APLP2: variants seen among roughly 807,000 people sequenced by gnomAD.
The protein encoded by APLP2 is amyloid beta precursor like protein 2, also known as CDEI box-binding protein.
APLP2 carries 53 observed loss-of-function variants against 89.9 expected under a neutral mutation model. That is an observed-to-expected ratio of 0.59 (90% CI 0.47 to 0.74). APLP2 has a LOEUF of 0.74. APLP2 is among the 30% of genes least tolerant of loss of function. The probability of loss-of-function intolerance (pLI) is 0.00; values close to 1 mark genes in which losing one functional copy is unlikely to be tolerated. For synonymous variants in APLP2, 372 were observed against 348.6 expected (o/e 1.07, Z -0.75); for missense variants, 973 against 975.9 (o/e 1.00, Z 0.04).
chr11:130,092,375 G>C (rs1359901370), intron 1 of APLP2, among the ~76,000 whole-genome samples: 1 of 112,576 alleles, frequency 8.9e-6, no homozygotes, highest in Non-Finnish European at 1.7e-5. Context: ...GCAGGCGGCT[G>C]GGAGGTGTAG....
At chr11:130,138,720 G>A (rs943113718) in intron 13 of APLP2, 3 of 150,792 alleles carry the variant, frequency 2.0e-5, no homozygotes, top group African/African-American at 7.3e-5. Flanking sequence ...CAAGTAGGTG[G>A]GACCACAGGT....
intron 7 of APLP2, among the ~76,000 whole-genome samples, chr11:130,124,940 G>A (rs191709895): frequency 2.6e-5 from 4 of 152,368 alleles, no homozygotes; most frequent in Non-Finnish European, 5.9e-5. Context: ...ACTGAGTGTG[G>A]AGGTGGTGAT....
chr11:130,132,659 G>A (rs1951065989), intron 11 of APLP2, among the ~76,000 whole-genome samples: 2 of 150,654 alleles, frequency 1.3e-5, no homozygotes, highest in South Asian at 4.2e-4. Context: ...TTCAGAAAAG[G>A]CAGTGAGCTA....
chr11:130,071,386 G>A (rs1379361922), intron 1 of APLP2, among the ~76,000 whole-genome samples: 3 of 152,218 alleles, frequency 2.0e-5, no homozygotes, highest in Non-Finnish European at 4.4e-5. Flanking sequence ...AAGAGAAATA[G>A]TTAACGTTTA....
At chr11:130,132,587 T>C (rs1285203989) in intron 11 of APLP2, among the ~76,000 whole-genome samples, 1 of 150,490 alleles carries the variant, frequency 6.6e-6, no homozygotes, top group Non-Finnish European at 1.5e-5. Flanking sequence ...GTAAAAATAG[T>C]GACCACTTCT....
intron 1 of APLP2, among the ~76,000 whole-genome samples, chr11:130,072,126 G>A (rs1941216706): frequency 6.6e-6 from 1 of 152,116 alleles, no homozygotes; most frequent in African/African-American, 2.4e-5. Flanking sequence ...TGTTTAAAAA[G>A]AAAAAGCTCA....
rs1167631088 is a variant in APLP2 at position 130,123,185 on chromosome 11, G to A, written c.923-427G>A. On this transcript the variant is annotated intron_variant, in intron 6 of 16. Coordinates refer to ENST00000338167, the MANE Select transcript of APLP2 (RefSeq NM_001142276.2). The surrounding 1 kb of genome is among the most constrained non-coding windows in gnomAD (Gnocchi z 4.0). Reference sequence around the variant, plus strand: ...GATTTGCCTTAGAGAACATAAAAGTGGGAAACAATTGTCCGTTCTAGGTGC... The same window carrying A: ...GATTTGCCTTAGAGAACATAAAAGTAGGAAACAATTGTCCGTTCTAGGTGC... 6.6e-6 allele frequency among the ~76,000 whole-genome samples: 1 copy of A among 152,128 alleles called. No homozygotes were observed. The highest frequency in any genetic ancestry group is 1.5e-5 in the Non-Finnish European group (1 of 68,020).
chr11:130,109,666 T>G lies in APLP2; in HGVS notation c.279+64T>G, dbSNP rs573975594. 10 of 1,487,402 alleles carry G rather than the reference T, an allele frequency of 6.7e-6. No individual in the cohort carries two copies. In the East Asian group the frequency reaches 2.1e-4, roughly 32 times the overall value. 92.1% of individuals were successfully genotyped at this position (1,487,402 alleles called of 1,614,324 possible). ...TGGGGCAGGGTTGAATCTGTTTACC[T>G]TAGAAATAGATATTCTGTCATTCTC... On this transcript the variant is annotated intron_variant, in intron 2 of 16. Transcript: ENST00000338167.
chr11:130,114,338 G>T (rs1326951966), intron 3 of APLP2: 1 of 152,116 alleles, frequency 6.6e-6, no homozygotes, highest in African/African-American at 2.4e-5. Context: ...ACAAAGCTCA[G>T]TTCCTTTATA....
At chr11:130,071,872 G>T (rs1941171756) in intron 1 of APLP2, among the ~76,000 whole-genome samples, 1 of 152,096 alleles carries the variant, frequency 6.6e-6, no homozygotes, top group South Asian at 2.1e-4. Flanking sequence ...GGGGCCTTTT[G>T]TCAAGCTATC....
In APLP2 at chr11:130,120,779, G is replaced by A; in HGVS notation, c.477G>A (p.Val159=). ...TTTTCCACAAAGAGCGGATGGAGGT[G>A]TGTGAGAATCACCAGCACTGGCACA... ...CQFFHKERME[V]CENHQHWHTV... is the part of the protein sequence containing the mutation. The change falls in exon 4 of 17, where the codon GTG becomes GTA. Residue 159 remains valine (V), a synonymous_variant. Transcript: ENST00000338167. 1 of 1,613,978 alleles carries A rather than the reference G, an allele frequency of 6.2e-7. No individual in the cohort carries two copies. Among genetic ancestry groups the A allele is most frequent in the Non-Finnish European group, 8.5e-7 (1 of 1,179,888 alleles).
At chr11:130,105,838 G>A (rs1947664306) in intron 1 of APLP2, among the ~76,000 whole-genome samples, 1 of 151,854 alleles carries the variant, frequency 6.6e-6, no homozygotes, top group South Asian at 2.1e-4. Flanking sequence ...TGAGTAGCTG[G>A]GACTACAGGC....
At chr11:130,126,631 G>T (rs900337232) in intron 7 of APLP2, 69 bp from the exon 8 acceptor site, 1 of 1,585,670 alleles carries the variant, frequency 6.3e-7, no homozygotes, top group African/African-American at 1.3e-5. Flanking sequence ...CAGGTCCTGA[G>T]CTGGGTTTTC....
intron 3 of APLP2, among the ~76,000 whole-genome samples, chr11:130,120,491 C>T (rs1341117070): frequency 6.6e-6 from 1 of 152,094 alleles, no homozygotes; most frequent in Non-Finnish European, 1.5e-5. Context: ...TTTAAAAGGT[C>T]CCTGGCATCA....
intron 1 of APLP2, among the ~76,000 whole-genome samples, chr11:130,092,127 G>A (rs1190775291): frequency 2.3e-5 from 3 of 131,918 alleles, no homozygotes; most frequent in Admixed American, 7.1e-5. Flanking sequence ...GACGATGGGC[G>A]GCGGGGCAGA....
In APLP2 at chr11:130,141,665, G is replaced by A. The variant is rs983808492; in HGVS notation, c.1998+93G>A. ...AGTTCAAGTAGAAAACGGGAGAGAT[G>A]CCTGAGCTAATAAGGGTCCCTCATC... On this transcript the variant is annotated intron_variant, in intron 15 of 16. Transcript: ENST00000338167. The surrounding 1 kb of genome is among the most constrained non-coding windows in gnomAD (Gnocchi z 4.2). 8.6e-7 allele frequency: 1 copy of A among 1,168,218 alleles called. No individual in the cohort carries two copies. The allele number at this position is 1,168,218 out of a possible 1,614,324, so 72.4% of individuals were successfully genotyped here. A position where few individuals can be genotyped will look rare whatever the true frequency, so the allele number is the denominator to read the frequency against.
intron 13 of APLP2, chr11:130,137,233 TTTA>T: frequency 6.2e-7 from 1 of 1,612,928 alleles, no homozygotes; most frequent in Non-Finnish European, 8.5e-7. Context: ...TATTTTGTTT[TTTA>T]TTGTTTTCCT....
chr11:130,070,840 CAG>C, intron 1 of APLP2: 6 of 1,130,188 alleles, frequency 5.3e-6, no homozygotes, highest in Non-Finnish European at 6.8e-6. Flanking sequence ...CTTCGGGTGT[CAG>C]AATTCCATCA....
At chr11:130,109,631 GTTA>G (rs1948284884) in intron 2 of APLP2, 29 bp downstream of exon 2, 2 of 1,590,478 alleles carry the variant, frequency 1.3e-6, no homozygotes, top group Non-Finnish European at 1.7e-6. Context: ...AGTTGAAAGT[GTTA>G]TTTTTCTGGG....
Sources: gnomAD v4.1 joint callset for allele counts (sites outside exome capture counted in the v4.1 genomes callset) on GRCh38, gnomAD v4.1.1 for gene constraint, Gnocchi (gnomAD v3.1) non-coding constraint, MANE v1.5 for transcripts, NCBI Gene and HGNC (gene_info 2026-07-23, HGNC 2026-07-21) for gene names.